Variants in GLYATL1 observed in about 807,000 individuals in gnomAD.
The protein encoded by GLYATL1 is glycine-N-acyltransferase like 1.
GLYATL1 carries 15 observed loss-of-function variants against 20.0 expected under a neutral mutation model. That is an observed-to-expected ratio of 0.75 (90% CI 0.50 to 1.15). The LOEUF (loss-of-function observed/expected upper bound fraction) is 1.15. GLYATL1 is among the 50% of genes most tolerant of loss of function. The pLI is 0.00. For synonymous variants in GLYATL1, 151 were observed against 131.5 expected (o/e 1.15, Z -1.01); for missense variants, 380 against 368.5 (o/e 1.03, Z -0.26).
downstream of GLYATL1, among the ~76,000 whole-genome samples, chr11:58,911,216 C>T (rs978748743): frequency 5.3e-5 from 8 of 152,156 alleles, no homozygotes; most frequent in African/African-American, 1.9e-4. Flanking sequence ...ATCTGTTTAT[C>T]CATTCACTCA....
upstream of GLYATL1, among the ~76,000 whole-genome samples, chr11:58,923,127 C>T (rs1855347540): frequency 6.6e-6 from 1 of 152,200 alleles, no homozygotes; most frequent in African/African-American, 2.4e-5. Context: ...TTGCTTCAGA[C>T]CGAATCCCTT....
intron 1 of GLYATL1, among the ~76,000 whole-genome samples, chr11:58,929,945 T>A (rs1855538717): frequency 6.6e-6 from 1 of 152,230 alleles, no homozygotes; most frequent in African/African-American, 2.4e-5. Context: ...TTTCTTTGTG[T>A]TTCTCAAGGA....
chr11:58,954,777 C>T lies in GLYATL1; in HGVS notation c.194C>T (p.Thr65Ile), dbSNP rs778078198. ...VIIRPQKQEM[T>I]DDMDSYTNVY... ...TTATATCATCCAATACAGGAGATGA[C>T]TGATGACATGGATTCATACACAAAC... Residue 65 changes from threonine (T) to isoleucine (I), a missense_variant, in exon 5 of 7, where the codon ACT becomes ATT. By Grantham distance (89) the Thr-to-Ile change is moderately conservative (BLOSUM62 -1). Transcript: ENST00000532726. The T allele has an allele frequency of 6.2e-7, 1 of 1,604,288 alleles. No homozygotes were observed. The highest frequency in any genetic ancestry group is 1.4e-5 in the African/African-American group (1 of 73,988).
exon 2 of GLYATL1, chr11:58,907,680 A>G (rs151118885): frequency 5.2e-6 from 1 of 192,838 alleles, no homozygotes; most frequent in East Asian, 1.3e-4. Flanking sequence ...ATACTTCCTG[A>G]TTTTTGACTA....
chr11:58,945,623 A>G (rs1441112718), intron 2 of GLYATL1, among the ~76,000 whole-genome samples: 1 of 152,198 alleles, frequency 6.6e-6, no homozygotes, highest in Non-Finnish European at 1.5e-5. Flanking sequence ...TCTTGACCAA[A>G]AGCTCAAAGG....
intron 3 of GLYATL1, 141 bp from the exon 4 acceptor site, chr11:58,947,713 TCTCC>T (rs1856675645): frequency 9.5e-6 from 6 of 628,456 alleles, no homozygotes; most frequent in African/African-American, 3.6e-5. Flanking sequence ...AGTATGGTCC[TCTCC>T]AGGACCATAC....
chr11:58,910,002 T>A (rs953653080), downstream of GLYATL1, among the ~76,000 whole-genome samples: 1 of 152,172 alleles, frequency 6.6e-6, no homozygotes, highest in Non-Finnish European at 1.5e-5. Context: ...TGTTTTATTC[T>A]CCCAATAATG....
At chr11:58,936,131 AT>A (rs1311835829), upstream of GLYATL1, among the ~76,000 whole-genome samples, 1 of 152,200 alleles carries the variant, frequency 6.6e-6, no homozygotes, top group African/African-American at 2.4e-5. Context: ...AATCAATCAA[AT>A]TTTTTCATAA....
chr11:58,905,736 A>AG, intron 1 of GLYATL1: 1 of 17,822 alleles, frequency 5.6e-5, no homozygotes, highest in South Asian at 7.1e-4. Context: ...CATCTGGACA[A>AG]ATAGGGAGGG....
chr11:58,921,546 T>A (rs1319891678), intron 1 of GLYATL1, among the ~76,000 whole-genome samples: 1 of 152,218 alleles, frequency 6.6e-6, no homozygotes, highest in African/African-American at 2.4e-5. Flanking sequence ...ACGTTATTAT[T>A]CTCTGGACAT....
At chr11:58,935,920 A>G (rs1281732481), upstream of GLYATL1, among the ~76,000 whole-genome samples, 4 of 152,168 alleles carry the variant, frequency 2.6e-5, no homozygotes, top group African/African-American at 9.6e-5. Flanking sequence ...TTGTATGTCA[A>G]TTATACCTCC....
At position 58,956,332 on chromosome 11, in the gene GLYATL1, T is replaced by C. The variant is rs1455211232; in HGVS notation, c.*305T>C. 5.9e-6 allele frequency: 2 copies of C among 336,446 alleles called. No homozygotes were observed. Among genetic ancestry groups the C allele is most frequent in the Non-Finnish European group, 1.1e-5 (2 of 184,890 alleles). 20.8% of individuals were successfully genotyped at this position (336,446 alleles called of 1,614,324 possible). A position where few individuals can be genotyped will look rare whatever the true frequency, so the allele number is the denominator to read the frequency against. On this transcript the variant is annotated 3_prime_UTR_variant, in exon 7 of 7. Transcript: ENST00000532726. ...CTTACCTCTGGGAATCAGAACTCTTTATGCAACTTGGTTAATAGAATCTAC... is the reference window on the plus strand; with the variant it reads ...CTTACCTCTGGGAATCAGAACTCTTCATGCAACTTGGTTAATAGAATCTAC...
chr11:58,955,076 A>G, intron 5 of GLYATL1, 100 bp from the exon 6 acceptor site: 1 of 1,296,996 alleles, frequency 7.7e-7, no homozygotes, highest in South Asian at 1.4e-5. Context: ...TGTAAACTCA[A>G]GTTTGAGAAC....
exon 2 of GLYATL1, chr11:58,907,755 C>A (rs1854939233): frequency 4.8e-6 from 1 of 209,284 alleles, no homozygotes; most frequent in Admixed American, 5.3e-5. Context: ...TATCAATATT[C>A]TTGAGCTTTG....
At chr11:58,938,371 G>A (rs574611548), upstream of GLYATL1, among the ~76,000 whole-genome samples, 9 of 152,218 alleles carry the variant, frequency 5.9e-5, no homozygotes, top group East Asian at 5.8e-4. Flanking sequence ...AACATTCAGG[G>A]GTAGCCAGCT....
At chr11:58,921,949 CAG>C (rs1469624900) in intron 1 of GLYATL1, among the ~76,000 whole-genome samples, 1 of 152,222 alleles carries the variant, frequency 6.6e-6, no homozygotes, top group Non-Finnish European at 1.5e-5. Flanking sequence ...GAATGCCTCA[CAG>C]AGTCATAAAA....
At chr11:58,929,198 A>G (rs1855513741) in intron 1 of GLYATL1, among the ~76,000 whole-genome samples, 1 of 152,212 alleles carries the variant, frequency 6.6e-6, no homozygotes, top group Non-Finnish European at 1.5e-5. Context: ...AGTCTTGGGA[A>G]TGCATTCAGT....
chr11:58,937,369 C>G (rs1369438618), upstream of GLYATL1, among the ~76,000 whole-genome samples: 5 of 152,168 alleles, frequency 3.3e-5, no homozygotes, highest in Non-Finnish European at 7.3e-5. Context: ...AACCACAGGT[C>G]CCAGTGTCCT....
chr11:58,954,070 G>T (rs890998395), intron 4 of GLYATL1, among the ~76,000 whole-genome samples: 13 of 152,112 alleles, frequency 8.5e-5, no homozygotes, highest in Non-Finnish European at 1.8e-4. Context: ...TTTCAAATAG[G>T]CTGATATCCT....
Sources: allele counts gnomAD v4.1 joint callset (sites outside exome capture counted in the v4.1 genomes callset), GRCh38; gene constraint gnomAD v4.1.1; transcripts MANE v1.5; gene names NCBI Gene and HGNC (gene_info 2026-07-23, HGNC 2026-07-21).